Variants in PRIM2 observed in about 807,000 individuals in gnomAD.
PRIM2 encodes the protein DNA primase subunit 2.
Under a neutral mutation model 67.3 loss-of-function variants are expected in PRIM2, and 39 were observed. The ratio of observed to expected loss-of-function variants is 0.58; its 90% CI spans 0.45 to 0.76. The LOEUF (loss-of-function observed/expected upper bound fraction) is 0.76, where lower values mean the gene tolerates loss of function less well. PRIM2 is among the 30% of genes least tolerant of loss of function. The pLI, the probability that PRIM2 is intolerant of heterozygous loss-of-function variation, is 0.00. For synonymous variants in PRIM2, 143 were observed against 198.7 expected, an observed-to-expected ratio of 0.72 and a Z score of 2.36; for missense variants, 398 against 598.7, an observed-to-expected ratio of 0.66 and a Z score of 3.50.
intron 8 of PRIM2, among the ~76,000 whole-genome samples, chr6:57,529,036 C>G (rs1226455368): frequency 2.0e-5 from 3 of 152,138 alleles, no homozygotes; most frequent in Non-Finnish European, 4.4e-5. Flanking sequence ...ACCAGCCGGG[C>G]GCAGTGGCTC....
chr6:57,275,783 T>A, the PRIM2 span, among the ~76,000 whole-genome samples: 11 of 152,152 alleles, frequency 7.2e-5, no homozygotes, highest in Admixed American at 2.0e-4. Context: ...GGAGTCCTCA[T>A]GAAAAAGTAG....
In PRIM2 at chr6:57,391,713, T is replaced by C. The variant is rs543203885; in HGVS notation, c.693+9545T>C. Among the ~76,000 whole-genome samples the C allele has an allele frequency of 4.6e-4, 70 of 152,226 alleles. 1 individual carries two copies. Among genetic ancestry groups the C allele is most frequent in the African/African-American group, 1.5e-3 (62 of 41,542 alleles). On this transcript the variant is annotated intron_variant, in intron 7 of 13. Coordinates refer to ENST00000615550, the MANE Select transcript of PRIM2 (RefSeq NM_000947.5). The stretch of plus-strand genomic sequence containing the variant: ...TTGCTGGGCTCTCTGTTCTGTTCCA[T>C]TGGTCTATGTGCTTGTTTTTGTACC...
intron 10 of PRIM2, among the ~76,000 whole-genome samples, chr6:57,552,244 C>G (rs1423509622): frequency 6.6e-6 from 1 of 152,098 alleles, no homozygotes; most frequent in Non-Finnish European, 1.5e-5. Context: ...TTACATGAGG[C>G]CTACACTAAG....
chr6:57,479,604 G>T (rs1279526279), intron 7 of PRIM2, among the ~76,000 whole-genome samples: 2 of 152,162 alleles, frequency 1.3e-5, no homozygotes, highest in African/African-American at 4.8e-5. Flanking sequence ...GAGGGAAAAG[G>T]TTTGCTCTCT....
intron 10 of PRIM2, among the ~76,000 whole-genome samples, chr6:57,550,085 C>A (rs1420440920): frequency 6.6e-6 from 1 of 151,926 alleles, no homozygotes; most frequent in African/African-American, 2.4e-5. Context: ...AACTCCGTGT[C>A]CCCCCTAAAC....
At chr6:57,256,014 CACACACACAT>C in the PRIM2 span, among the ~76,000 whole-genome samples, 8,585 of 123,850 alleles carry the variant, frequency 0.069, 806 homozygotes, top group African/African-American at 0.26. Context: ...GACACGCACA[CACACACACAT>C]ACACACACAC....
At chr6:57,376,902 G>T (rs1769782913) in intron 5 of PRIM2, among the ~76,000 whole-genome samples, 1 of 152,110 alleles carries the variant, frequency 6.6e-6, no homozygotes, top group Non-Finnish European at 1.5e-5. Flanking sequence ...TTTTGAGACC[G>T]AGTCTCGCCT....
chr6:57,296,843 A>G, the PRIM2 span, among the ~76,000 whole-genome samples: 1 of 152,150 alleles, frequency 6.6e-6, no homozygotes, highest in Non-Finnish European at 1.5e-5. Context: ...AAGAAATGTA[A>G]AAGATGGGTC....
the PRIM2 span, among the ~76,000 whole-genome samples, chr6:57,229,550 C>T: frequency 6.3e-4 from 95 of 151,564 alleles, no homozygotes; most frequent in Non-Finnish European, 1.2e-3. Context: ...TGCAGTGGTG[C>T]GATCTTGGCT....
intron 5 of PRIM2, among the ~76,000 whole-genome samples, chr6:57,362,020 G>T (rs892815534): frequency 1.3e-5 from 2 of 152,054 alleles, no homozygotes; most frequent in African/African-American, 4.8e-5. Context: ...TACTCCAATG[G>T]ATGGAATATC....
intron 12 of PRIM2, among the ~76,000 whole-genome samples, chr6:57,608,181 A>G (rs1319445932): frequency 2.9e-4 from 44 of 152,086 alleles, no homozygotes; most frequent in African/African-American, 7.7e-4. Context: ...AGAAATGGGG[A>G]GAGAGAGAGA....
intron 12 of PRIM2, among the ~76,000 whole-genome samples, chr6:57,609,117 G>C (rs1776618843): frequency 6.6e-6 from 1 of 152,310 alleles, no homozygotes; most frequent in African/African-American, 2.4e-5. Flanking sequence ...TGTTGGAAGA[G>C]TGAATGGGCA....
chr6:57,589,495 G>A (rs1167559763), intron 10 of PRIM2, among the ~76,000 whole-genome samples: 6 of 152,058 alleles, frequency 3.9e-5, no homozygotes, highest in Admixed American at 1.3e-4. Context: ...GCTGTTGAGA[G>A]CTCTAGGAAC....
At chr6:57,607,751 CT>C (rs1450963055) in intron 12 of PRIM2, among the ~76,000 whole-genome samples, 2 of 151,994 alleles carry the variant, frequency 1.3e-5, no homozygotes, top group East Asian at 3.9e-4. Flanking sequence ...AAAGGATCAC[CT>C]TTTTGAAAAC....
chr6:57,480,302 CAG>C (rs1773583256), intron 7 of PRIM2, among the ~76,000 whole-genome samples: 1 of 152,076 alleles, frequency 6.6e-6, no homozygotes. Context: ...TATCTTGAAA[CAG>C]TTTTACATAC....
intron 5 of PRIM2, among the ~76,000 whole-genome samples, chr6:57,375,280 A>T (rs1484629516): frequency 6.6e-6 from 1 of 152,088 alleles, no homozygotes; most frequent in Admixed American, 6.5e-5. Context: ...ACATGAAGGG[A>T]TGTTGAATTT....
chr6:57,633,897 A>G lies in PRIM2; in HGVS notation c.1299+1696A>G, dbSNP rs1256076313. Among the ~76,000 whole-genome samples, 4 of 152,176 alleles carry G rather than the reference A, an allele frequency of 2.6e-5. No individual in the cohort carries two copies. The East Asian group carries it at 7.7e-4, about 29-fold the overall frequency. On this transcript the variant is annotated intron_variant, in intron 13 of 13. Coordinates refer to ENST00000615550, the MANE Select transcript of PRIM2 (RefSeq NM_000947.5). ...TGCTCACCTCCTGCTGTGAGGCCCA[A>G]TTCCTAACGGGCCGTGGACTGGGTT...
At chr6:57,246,661 A>G in the PRIM2 span, among the ~76,000 whole-genome samples, 1 of 152,174 alleles carries the variant, frequency 6.6e-6, no homozygotes, top group African/African-American at 2.4e-5. Context: ...GTGAGAGAAG[A>G]GAGAACACTG....
intron 7 of PRIM2, among the ~76,000 whole-genome samples, chr6:57,440,642 C>G (rs2109646): frequency 1.9e-4 from 29 of 151,762 alleles, no homozygotes; most frequent in Middle Eastern, 3.4e-3. Flanking sequence ...GCAGTATTCT[C>G]ACTAACCCAG....
Sources: gnomAD v4.1 joint callset for allele counts (sites outside exome capture counted in the v4.1 genomes callset) on GRCh38, gnomAD v4.1.1 for gene constraint, MANE v1.5 for transcripts, NCBI Gene and HGNC (gene_info 2026-07-23, HGNC 2026-07-21) for gene names.